The following NCAM2 variants were observed in gnomAD, a reference collection of about 807,000 sequenced individuals.
NCAM2 encodes N-CAM-2.
Under a neutral mutation model 98.1 loss-of-function variants are expected in NCAM2, and 30 were observed. That is an observed-to-expected ratio of 0.31 (90% confidence interval 0.23 to 0.41). NCAM2 has a LOEUF of 0.41. Among genes scored for constraint, NCAM2 ranks in the 10% least tolerant of loss-of-function variants. The pLI, the probability that NCAM2 is intolerant of heterozygous loss-of-function variation, is 1.00. For synonymous variants in NCAM2, 368 were observed against 342.4 expected, an observed-to-expected ratio of 1.07 and a Z score of -0.83; for missense variants, 867 against 1,005.8, an observed-to-expected ratio of 0.86 and a Z score of 1.87.
intron 15 of NCAM2, among the ~76,000 whole-genome samples, chr21:21,507,183 A>T (rs1232787379): frequency 6.6e-6 from 1 of 152,102 alleles, no homozygotes; most frequent in Non-Finnish European, 1.5e-5. Flanking sequence ...AGTCTGACAT[A>T]CTCAAAGTCG....
chr21:21,199,106 T>TA (rs1211386521), intron 1 of NCAM2, among the ~76,000 whole-genome samples: 6 of 152,216 alleles, frequency 3.9e-5, no homozygotes, highest in African/African-American at 1.2e-4. Context: ...TACATTTCGA[T>TA]ATCCCTATTT....
At chr21:21,091,716 A>G (rs985059161) in intron 1 of NCAM2, among the ~76,000 whole-genome samples, 16 of 152,278 alleles carry the variant, frequency 1.1e-4, no homozygotes, top group South Asian at 6.2e-4. Context: ...AAACTGTACA[A>G]TACTTTCAAG....
Position 21,265,931 on chromosome 21 carries a change from T to G in NCAM2, c.56-14647T>G, listed in dbSNP as rs535191139. The stretch of plus-strand genomic sequence containing the variant: ...AAAAATTATAGTATAAAAGATTGTT[T>G]TATTATTCATACAACCAGCTCTGTT... On this transcript the variant is annotated intron_variant, in intron 1 of 17. Coordinates refer to ENST00000400546, the MANE Select transcript of NCAM2 (RefSeq NM_004540.5). 2.6e-5 allele frequency among the ~76,000 whole-genome samples: 4 copies of G among 152,224 alleles called. No homozygotes were observed. In the East Asian group the frequency reaches 5.8e-4, roughly 22 times the overall value.
intron 12 of NCAM2, among the ~76,000 whole-genome samples, chr21:21,434,348 T>A (rs1266263249): frequency 6.6e-6 from 1 of 152,192 alleles, no homozygotes. Context: ...GGCCTCAGAC[T>A]GGGACAGTTA....
chr21:21,460,949 A>G (rs1343973190), intron 12 of NCAM2, among the ~76,000 whole-genome samples: 2 of 151,892 alleles, frequency 1.3e-5, no homozygotes, highest in Non-Finnish European at 2.9e-5. Context: ...AAAAAATTAA[A>G]AAGTTTGTGG....
chr21:21,452,970 AT>A (rs373165259), intron 12 of NCAM2, among the ~76,000 whole-genome samples: 9 of 16,246 alleles, frequency 5.5e-4, no homozygotes, highest in African/African-American at 2.8e-3. Flanking sequence ...TATATTATAT[AT>A]TATTATATAT....
rs566218063 is a variant in NCAM2 at position 21,068,458 on chromosome 21, ATTT to A, written c.55+69857_55+69859del. Among the ~76,000 whole-genome samples the A allele has an allele frequency of 5.3e-3, 595 of 112,464 alleles. 3 individuals are homozygous for A. Among genetic ancestry groups the A allele is most frequent in the African/African-American group, 0.018 (536 of 29,252 alleles). 73.8% of individuals were successfully genotyped at this position (112,464 alleles called of 152,430 possible). A position where few individuals can be genotyped will look rare whatever the true frequency, so the allele number is the denominator to read the frequency against. ...TGTCCTGTGGTAGTCATGGTATTGC[ATTT>A]TTTTTTTTTTTTTTTTGAGATGGAA... is the stretch of plus-strand genomic sequence containing the variant. On this transcript the variant is annotated intron_variant, in intron 1 of 17. Transcript: ENST00000400546.
intron 9 of NCAM2, among the ~76,000 whole-genome samples, chr21:21,410,062 G>A (rs1281558058): frequency 2.0e-5 from 3 of 152,082 alleles, no homozygotes; most frequent in East Asian, 3.9e-4. Context: ...CAACCCAGGA[G>A]GCGGAGCTTG....
At chr21:21,402,688 G>A (rs975399150) in intron 9 of NCAM2, among the ~76,000 whole-genome samples, 3 of 152,030 alleles carry the variant, frequency 2.0e-5, no homozygotes, top group East Asian at 3.9e-4. Context: ...GCTCAGGTGG[G>A]CATCATGGAC....
intron 1 of NCAM2, among the ~76,000 whole-genome samples, chr21:21,012,657 C>T (rs1160374734): frequency 2.0e-5 from 3 of 152,008 alleles, no homozygotes; most frequent in Admixed American, 1.3e-4. Flanking sequence ...GAAATATAGG[C>T]GCAGTTTATT....
intron 1 of NCAM2, among the ~76,000 whole-genome samples, chr21:20,999,958 A>T (rs568067273): frequency 7.9e-5 from 12 of 152,354 alleles, no homozygotes; most frequent in Non-Finnish European, 1.8e-4. Flanking sequence ...AGAAATCAGT[A>T]TGCAAATGTT....
At chr21:21,122,216 A>AT (rs1474750080) in intron 1 of NCAM2, among the ~76,000 whole-genome samples, 1 of 152,206 alleles carries the variant, frequency 6.6e-6, no homozygotes, top group Non-Finnish European at 1.5e-5. Context: ...TGATAACTTA[A>AT]TATTTTAATA....
intron 1 of NCAM2, among the ~76,000 whole-genome samples, chr21:21,238,230 T>C (rs1433682898): frequency 6.6e-6 from 1 of 152,160 alleles, no homozygotes; most frequent in African/African-American, 2.4e-5. Flanking sequence ...GTGCTGGGAT[T>C]ACAGGGATGA....
At chr21:21,151,911 GA>G (rs1361548933) in intron 1 of NCAM2, among the ~76,000 whole-genome samples, 1 of 151,842 alleles carries the variant, frequency 6.6e-6, no homozygotes, top group Non-Finnish European at 1.5e-5. Context: ...TTGATTTTTA[GA>G]AATATTGTTA....
intron 1 of NCAM2, among the ~76,000 whole-genome samples, chr21:21,161,559 ATT>A (rs2067784479): frequency 9.5e-6 from 1 of 105,432 alleles, no homozygotes; most frequent in Non-Finnish European, 2.0e-5. Context: ...CAGTGCTCTC[ATT>A]TGTGTGTGTG....
intron 1 of NCAM2, among the ~76,000 whole-genome samples, chr21:21,276,394 C>T (rs2072729803): frequency 6.6e-6 from 1 of 151,978 alleles, no homozygotes; most frequent in African/African-American, 2.4e-5. Flanking sequence ...TCATGCACTT[C>T]TTTGGGAATT....
intron 5 of NCAM2, among the ~76,000 whole-genome samples, chr21:21,297,639 AAG>A (rs1313977008): frequency 6.6e-6 from 1 of 151,690 alleles, no homozygotes; most frequent in Admixed American, 6.6e-5. Flanking sequence ...GCTTTTCTAA[AAG>A]AGGATTAATA....
At position 21,483,923 on chromosome 21, in the gene NCAM2, T is replaced by C. The variant is rs562914671; in HGVS notation, c.2077+6452T>C. ...TATGTGAATATGCAATTTTCACTTA[T>C]ATTTGTTGGTAGCTTGTTTATTATT... On this transcript the variant is annotated intron_variant, in intron 15 of 17. Coordinates refer to ENST00000400546, the MANE Select transcript of NCAM2 (RefSeq NM_004540.5). Among the ~76,000 whole-genome samples the C allele has an allele frequency of 6.6e-5, 10 of 152,282 alleles. No homozygotes were observed. The East Asian group carries it at 1.7e-3, about 26-fold the overall frequency.
chr21:21,095,851 A>G (rs1241840594), intron 1 of NCAM2, among the ~76,000 whole-genome samples: 1 of 151,588 alleles, frequency 6.6e-6, no homozygotes, highest in East Asian at 1.9e-4. Context: ...ATCTCCCTTT[A>G]TATTATGAAT....
Sources: allele counts gnomAD v4.1 joint callset (sites outside exome capture counted in the v4.1 genomes callset), GRCh38; gene constraint gnomAD v4.1.1; transcripts MANE v1.5; gene names NCBI Gene and HGNC (gene_info 2026-07-23, HGNC 2026-07-21).